Variants in HNRNPM observed in about 807,000 individuals in gnomAD.
HNRNPM encodes the protein CEA receptor.
Under a neutral mutation model 73.1 loss-of-function variants are expected in HNRNPM, and 11 were observed. That is an observed-to-expected ratio of 0.15 (90% CI 0.09 to 0.25). The LOEUF (loss-of-function observed/expected upper bound fraction) is 0.25, where lower values mean the gene tolerates loss of function less well. Ranked by LOEUF, HNRNPM falls within the 10% of genes least tolerant of loss-of-function variation. The pLI, the probability that HNRNPM is intolerant of heterozygous loss-of-function variation, is 1.00. For missense variants in HNRNPM, 789 were observed against 1,067.9 expected (o/e 0.74, Z 3.64); for synonymous variants, 407 against 355.2 (o/e 1.15, Z -1.64).
At position 8,463,657 on chromosome 19, in the gene HNRNPM, C is replaced by T. The variant is rs1297272596; in HGVS notation, c.409C>T (p.Leu137=). The T allele has an allele frequency of 1.2e-6, 2 of 1,613,446 alleles. No homozygotes were observed. Among genetic ancestry groups the T allele is most frequent in the Non-Finnish European group, 1.7e-6 (2 of 1,179,460 alleles). ...TGCGGAAGTCCTAAACAAGCATAGT[C>T]TGAGCGGAAGACCACTGAAAGTCAA... ...KAAEVLNKHS[L]SGRPLKVKED... is the part of the protein sequence containing the mutation. The change falls in exon 5 of 16, where the codon CTG becomes TTG. Residue 137 remains leucine (L), a synonymous_variant. Transcript: ENST00000325495.
intron 13 of HNRNPM, among the ~76,000 whole-genome samples, chr19:8,483,832 C>G (rs1219144258): frequency 6.6e-6 from 1 of 152,218 alleles, no homozygotes; most frequent in Non-Finnish European, 1.5e-5. Context: ...GTGGTGCAGT[C>G]TCTGCTCACT....
At chr19:8,480,300 A>C (rs1043384628) in intron 12 of HNRNPM, among the ~76,000 whole-genome samples, 40 of 143,492 alleles carry the variant, frequency 2.8e-4, no homozygotes, top group East Asian at 8.6e-4. Context: ...GCCGAGGTCA[A>C]ACCACTGCAC....
chr19:8,468,418 C>T (rs1311449235), intron 8 of HNRNPM, among the ~76,000 whole-genome samples: 1 of 152,058 alleles, frequency 6.6e-6, no homozygotes, highest in African/African-American at 2.4e-5. Context: ...AAAAGATAAA[C>T]TATAAAGCAA....
At chr19:8,448,609 C>T (rs1241542303) in intron 1 of HNRNPM, among the ~76,000 whole-genome samples, 1 of 151,820 alleles carries the variant, frequency 6.6e-6, no homozygotes, top group Non-Finnish European at 1.5e-5. Context: ...TCACGAGTAG[C>T]TGGGACTACA....
chr19:8,473,182 G>A (rs952429329), intron 10 of HNRNPM, among the ~76,000 whole-genome samples: 11 of 152,154 alleles, frequency 7.2e-5, no homozygotes, highest in Non-Finnish European at 1.6e-4. Context: ...TGTTGAGGCT[G>A]TAGGGAGCTG....
chr19:8,477,007 G>A (rs1970555785), intron 12 of HNRNPM, among the ~76,000 whole-genome samples: 1 of 152,080 alleles, frequency 6.6e-6, no homozygotes, highest in Admixed American at 6.6e-5. Context: ...TTGGCAGCCA[G>A]TCCTTGTTAA....
chr19:8,466,418 A>G, intron 7 of HNRNPM, 30 bp downstream of exon 7: 1 of 1,610,986 alleles, frequency 6.2e-7, no homozygotes, highest in Non-Finnish European at 8.5e-7. Context: ...CAACTTATGA[A>G]CAGTTTGACC....
At position 8,488,565 on chromosome 19, in the gene HNRNPM, T is replaced by A. The variant is rs991685273; in HGVS notation, c.2030-126T>A. 4.0e-6 allele frequency: 3 copies of A among 743,462 alleles called. No homozygotes were observed. The African/African-American group carries it at 5.3e-5, about 13-fold the overall frequency. 46.1% of individuals were successfully genotyped at this position (743,462 alleles called of 1,614,324 possible). On this transcript the variant is annotated intron_variant, in intron 15 of 15. Coordinates refer to ENST00000325495, the MANE Select transcript of HNRNPM (RefSeq NM_005968.5). ...GTGTGGCTGAGGGGGCCGTAGTCAT[T>A]GGTTCTCGCCATTGTATTCTGAGCC...
chr19:8,449,271 T>G (rs995940809), intron 1 of HNRNPM, among the ~76,000 whole-genome samples: 11 of 152,212 alleles, frequency 7.2e-5, no homozygotes, highest in Non-Finnish European at 1.5e-4. Flanking sequence ...CTGCAAAGAT[T>G]AGCTTGCTTG....
At chr19:8,474,307 C>T in intron 12 of HNRNPM, 63 bp downstream of exon 12, 1 of 1,202,840 alleles carries the variant, frequency 8.3e-7, no homozygotes, top group Non-Finnish European at 1.2e-6. Context: ...TCTCAGGTGA[C>T]TTTTAGGCTG....
At position 8,463,703 on chromosome 19, in the gene HNRNPM, C is replaced by T. The variant is rs548699264; in HGVS notation, c.438+17C>T. The T allele has an allele frequency of 6.6e-6, 10 of 1,506,902 alleles. No individual in the cohort carries two copies. The Admixed American group carries it at 1.2e-4, about 18-fold the overall frequency. The allele number at this position is 1,506,902 out of a possible 1,614,324, so 93.3% of individuals were successfully genotyped here. ...GTCAAAGAAGTAAGCTCTTGCTTAACACTGCGGATACTGTGTGTAATTGTT... is the reference window on the plus strand; with the variant it reads ...GTCAAAGAAGTAAGCTCTTGCTTAATACTGCGGATACTGTGTGTAATTGTT... On this transcript the variant is annotated intron_variant, in intron 5 of 15. Coordinates refer to ENST00000325495, the MANE Select transcript of HNRNPM (RefSeq NM_005968.5).
chr19:8,488,618 C>T, intron 15 of HNRNPM, 73 bp from the exon 16 acceptor site: 1 of 1,443,752 alleles, frequency 6.9e-7, no homozygotes, highest in South Asian at 1.2e-5. Context: ...AGGGCCTCTC[C>T]TTTTTGACTC....
chr19:8,472,056 A>G (rs1970180831), intron 10 of HNRNPM, among the ~76,000 whole-genome samples: 1 of 151,764 alleles, frequency 6.6e-6, no homozygotes. Flanking sequence ...CTGTAATCCC[A>G]GTTACTCAAG....
chr19:8,485,801 G>C lies in HNRNPM; in HGVS notation c.1373G>C (p.Gly458Ala), dbSNP rs771402189. Residue 458 changes from glycine to alanine, a missense_variant, in exon 14 of 16, where the codon GGC (glycine) becomes GCC (alanine). Coordinates refer to ENST00000325495, the MANE Select transcript of HNRNPM (RefSeq NM_005968.5). ...ATGGGCTCCGGCATTGAGCGCATGG[G>C]CCCGCTGGGCCTCGACCACATGGCC... ...ERMGSGIERM[G>A]PLGLDHMASS... The C allele has an allele frequency of 3.3e-5, 53 of 1,603,054 alleles. No homozygotes were observed. The highest frequency in any genetic ancestry group is 4.5e-5 in the Non-Finnish European group (53 of 1,179,222).
chr19:8,479,370 C>T (rs900530477), intron 12 of HNRNPM, among the ~76,000 whole-genome samples: 2 of 152,014 alleles, frequency 1.3e-5, no homozygotes, highest in Non-Finnish European at 2.9e-5. Flanking sequence ...TGAGCCATCA[C>T]GCCAGGTCTG....
chr19:8,473,576 T>C (rs895290972), intron 10 of HNRNPM, 88 bp from the exon 11 acceptor site: 4 of 806,610 alleles, frequency 5.0e-6, no homozygotes, highest in African/African-American at 3.5e-5. Context: ...TTGAGTTCTT[T>C]TGCTGGTTTG....
intron 7 of HNRNPM, among the ~76,000 whole-genome samples, chr19:8,467,022 GTGTAATACATCCTTATAGGACCTCAC>G: frequency 6.6e-6 from 1 of 152,186 alleles, no homozygotes; most frequent in Non-Finnish European, 1.5e-5. Flanking sequence ...GTTGTTTCAT[GTGTAATACATCCTTATAGGACCTCAC>G]TCTTTCCAGT....
intron 5 of HNRNPM, among the ~76,000 whole-genome samples, chr19:8,464,726 CAT>C (rs1429404434): frequency 2.6e-5 from 4 of 152,268 alleles, no homozygotes; most frequent in Middle Eastern, 6.8e-3. Context: ...TAAGGTCTCT[CAT>C]GTGTTATGAT....
chr19:8,461,044 A>G (rs1178097141), intron 2 of HNRNPM, among the ~76,000 whole-genome samples: 1 of 152,228 alleles, frequency 6.6e-6, no homozygotes, highest in Non-Finnish European at 1.5e-5. Context: ...ACAGGAGTAC[A>G]TACTCTAAAA....
Sources: allele counts gnomAD v4.1 joint callset (sites outside exome capture counted in the v4.1 genomes callset), GRCh38; gene constraint gnomAD v4.1.1; transcripts MANE v1.5; gene names NCBI Gene and HGNC (gene_info 2026-07-23, HGNC 2026-07-21).